ANKRD12: variants seen among roughly 807,000 people sequenced by gnomAD.
ANKRD12 encodes the protein ankyrin repeat domain-containing protein 12.
A neutral mutation model predicts 183.4 loss-of-function variants in ANKRD12; 85 were observed. That is an observed-to-expected ratio of 0.46 (90% confidence interval 0.39 to 0.56). The LOEUF is 0.56. Ranked by LOEUF, ANKRD12 falls within the 20% of genes least tolerant of loss-of-function variation. The pLI is 0.00. For missense variants in ANKRD12, 2,405 were observed against 2,357.1 expected, an observed-to-expected ratio of 1.02 and a Z score of -0.42; for synonymous variants, 914 against 800.2, an observed-to-expected ratio of 1.14 and a Z score of -2.40.
At chr18:9,162,333 TG>T (rs1368215372) in intron 1 of ANKRD12, among the ~76,000 whole-genome samples, 7 of 152,008 alleles carry the variant, frequency 4.6e-5, no homozygotes, top group African/African-American at 1.7e-4. Context: ...TTGCTGAGGA[TG>T]ATAACAGCTT....
chr18:9,246,609 A>G (rs1271665568), intron 8 of ANKRD12, among the ~76,000 whole-genome samples: 2 of 152,242 alleles, frequency 1.3e-5, no homozygotes, highest in Non-Finnish European at 2.9e-5. Flanking sequence ...CTTCAATCTT[A>G]TAGTACAATG....
intron 8 of ANKRD12, among the ~76,000 whole-genome samples, chr18:9,252,599 A>G (rs376515504): frequency 2.3e-4 from 35 of 152,250 alleles, no homozygotes; most frequent in African/African-American, 7.5e-4. Flanking sequence ...CATTGCTTCA[A>G]ATTGATGAAT....
chr18:9,238,556 A>T (rs1445863516), intron 8 of ANKRD12, among the ~76,000 whole-genome samples: 1 of 151,542 alleles, frequency 6.6e-6, no homozygotes, highest in Non-Finnish European at 1.5e-5. Flanking sequence ...AGTCATCTAA[A>T]CTCCTCTTCT....
chr18:9,233,970 G>A (rs1455314605), intron 8 of ANKRD12, among the ~76,000 whole-genome samples: 1 of 152,158 alleles, frequency 6.6e-6, no homozygotes, highest in Non-Finnish European at 1.5e-5. Context: ...GTCCCAGCGT[G>A]GTAGGGGCAG....
intron 10 of ANKRD12, among the ~76,000 whole-genome samples, chr18:9,265,739 T>C (rs1466366433): frequency 6.6e-6 from 1 of 151,942 alleles, no homozygotes; most frequent in Non-Finnish European, 1.5e-5. Flanking sequence ...GGAACGCAGC[T>C]CCTCACCAGC....
At chr18:9,146,838 A>G (rs1347923137) in intron 1 of ANKRD12, among the ~76,000 whole-genome samples, 1 of 152,222 alleles carries the variant, frequency 6.6e-6, no homozygotes, top group Non-Finnish European at 1.5e-5. Context: ...AGTGTATATT[A>G]TAAGAGGTAG....
At chr18:9,160,725 G>C (rs2031294468) in intron 1 of ANKRD12, among the ~76,000 whole-genome samples, 3 of 152,104 alleles carry the variant, frequency 2.0e-5, no homozygotes, top group African/African-American at 7.2e-5. Context: ...CAAGTGTTAT[G>C]AGCCTAAAAG....
At chr18:9,169,263 G>A (rs1420490378) in intron 1 of ANKRD12, among the ~76,000 whole-genome samples, 2 of 152,202 alleles carry the variant, frequency 1.3e-5, no homozygotes, top group African/African-American at 4.8e-5. Context: ...CAGTTCCTGG[G>A]TATCCTTGTT....
intron 1 of ANKRD12, among the ~76,000 whole-genome samples, chr18:9,168,789 C>T (rs1315865520): frequency 6.6e-6 from 1 of 152,116 alleles, no homozygotes; most frequent in Non-Finnish European, 1.5e-5. Flanking sequence ...TCTTGCTTCT[C>T]TAGTTCTTTT....
At chr18:9,237,514 GATTAAATC>G (rs2037413726) in intron 8 of ANKRD12, among the ~76,000 whole-genome samples, 1 of 152,166 alleles carries the variant, frequency 6.6e-6, no homozygotes, top group Non-Finnish European at 1.5e-5. Flanking sequence ...GGGATTGGTT[GATTAAATC>G]AATGTATAGC....
At chr18:9,264,306 C>G (rs1220114385) in intron 10 of ANKRD12, among the ~76,000 whole-genome samples, 1 of 152,072 alleles carries the variant, frequency 6.6e-6, no homozygotes, top group South Asian at 2.1e-4. Flanking sequence ...AATGGTTAGT[C>G]TTGGCGTGAA....
rs1233365589 is a variant in ANKRD12, at chr18:9,256,422, C to T, written c.3155C>T (p.Pro1052Leu). The part of the protein sequence containing the change: ...LLKLKSEADK[P>L]KPKSSPASKD... ...AAACTAAAATCTGAAGCAGATAAGCCTAAACCTAAGTCATCACCAGCATCA... is the reference window on the plus strand; with the variant it reads ...AAACTAAAATCTGAAGCAGATAAGCTTAAACCTAAGTCATCACCAGCATCA... The change falls in exon 9 of 13, where the codon CCT (proline) becomes CTT (leucine). Residue 1052 changes from proline (P) to leucine (L), a missense_variant. Around this residue, in one of 7 missense-constraint regions of ANKRD12, gnomAD observed 1,983 missense variants for 1,725.9 expected, o/e 1.15. Transcript: ENST00000262126. 1 of 1,612,854 alleles carries T rather than the reference C, an allele frequency of 6.2e-7. No individual in the cohort carries two copies. Among genetic ancestry groups the T allele is most frequent in the Non-Finnish European group, 8.5e-7 (1 of 1,179,626 alleles).
intron 8 of ANKRD12, among the ~76,000 whole-genome samples, chr18:9,229,195 GCT>G (rs2036898771): frequency 1.3e-5 from 2 of 152,014 alleles, no homozygotes; most frequent in Admixed American, 1.3e-4. Context: ...CCAACACTGT[GCT>G]CTCTCAGTCC....
intron 3 of ANKRD12, among the ~76,000 whole-genome samples, chr18:9,196,189 T>TACACACACACACACACAC (rs34220366): frequency 7.4e-4 from 38 of 51,672 alleles, no homozygotes; most frequent in African/African-American, 2.2e-3. Flanking sequence ...ATAGAATTTT[T>TACACACACACACACACAC]ACACACACAC....
At chr18:9,186,137 ATTT>A (rs11310603) in intron 2 of ANKRD12, among the ~76,000 whole-genome samples, 5 of 126,746 alleles carry the variant, frequency 3.9e-5, no homozygotes, top group African/African-American at 1.5e-4. Context: ...TAAAAGTGTG[ATTT>A]TTTTTTTTTT....
At chr18:9,226,068 A>G (rs1195563477) in intron 8 of ANKRD12, among the ~76,000 whole-genome samples, 2 of 152,236 alleles carry the variant, frequency 1.3e-5, no homozygotes, top group African/African-American at 4.8e-5. Flanking sequence ...TATAATGTAT[A>G]TATGAGATAT....
chr18:9,266,109 G>C (rs1177420163), intron 10 of ANKRD12, among the ~76,000 whole-genome samples: 1 of 152,218 alleles, frequency 6.6e-6, no homozygotes, highest in Admixed American at 6.5e-5. Context: ...GGAAATATGG[G>C]GCTATGTGAA....
chr18:9,170,488 A>G (rs940997958), intron 1 of ANKRD12, among the ~76,000 whole-genome samples: 16 of 152,114 alleles, frequency 1.1e-4, no homozygotes, highest in African/African-American at 2.9e-4. Context: ...CCTTTCTTCC[A>G]GTTGATCGCA....
At chr18:9,163,231 A>C (rs1055468498) in intron 1 of ANKRD12, among the ~76,000 whole-genome samples, 3 of 152,126 alleles carry the variant, frequency 2.0e-5, no homozygotes, top group African/African-American at 4.8e-5. Flanking sequence ...AATTGTAAGG[A>C]AGGGATCCAG....
Sources: gnomAD v4.1 joint callset for allele counts (sites outside exome capture counted in the v4.1 genomes callset) on GRCh38, gnomAD v4.1.1 for gene constraint, gnomAD v4.1.1 regional missense constraint, MANE v1.5 for transcripts, NCBI Gene and HGNC (gene_info 2026-07-23, HGNC 2026-07-21) for gene names.